TNRC6C: variants seen among roughly 807,000 people sequenced by gnomAD.
TNRC6C encodes trinucleotide repeat-containing gene 6C protein.
A neutral mutation model predicts 153.7 loss-of-function variants in TNRC6C; 20 were observed. The observed-to-expected ratio is 0.13, with a 90% CI of 0.09 to 0.19. TNRC6C has a LOEUF of 0.19. Among genes scored for constraint, TNRC6C ranks in the 10% least tolerant of loss-of-function variants. The pLI is 1.00. For missense variants in TNRC6C, 1,987 were observed against 2,172.0 expected, an observed-to-expected ratio of 0.91 and a Z score of 1.69; for synonymous variants, 811 against 841.4, an observed-to-expected ratio of 0.96 and a Z score of 0.63.
chr17:78,091,600 C>G (rs1251162222), exon 14 of TNRC6C: 1 of 1,552,422 alleles, frequency 6.4e-7, no homozygotes, highest in Admixed American at 1.9e-5. Context: ...AGAACCCTAG[C>G]AAGCATGGTA....
intron 2 of TNRC6C, among the ~76,000 whole-genome samples, chr17:78,047,645 G>A (rs1199358734): frequency 6.6e-6 from 1 of 151,774 alleles, no homozygotes; most frequent in East Asian, 1.9e-4. Context: ...GATTTTTCTT[G>A]TTAAAATAAA....
In TNRC6C at chr17:78,075,784, T is replaced by C. The variant is rs1160531190; in HGVS notation, c.3060+506T>C. 6.6e-6 allele frequency among the ~76,000 whole-genome samples: 1 copy of C among 152,110 alleles called. No individual in the cohort carries two copies. The highest frequency in any genetic ancestry group is 1.5e-5 in the Non-Finnish European group (1 of 68,008). ...AGTCCGGTCACAGCTCAGCCCCCAGTGTTGTCATGTAATGATGTCCCCATG... is the reference window on the plus strand; with the variant it reads ...AGTCCGGTCACAGCTCAGCCCCCAGCGTTGTCATGTAATGATGTCCCCATG... On this transcript the variant is annotated intron_variant, in intron 8 of 19. Transcript: ENST00000301624. The surrounding 1 kb of genome is among the most constrained non-coding windows in gnomAD (Gnocchi z 4.2).
At chr17:77,987,675 T>C (rs566673544) in intron 1 of TNRC6C, among the ~76,000 whole-genome samples, 51 of 152,138 alleles carry the variant, frequency 3.4e-4, no homozygotes, top group Admixed American at 2.9e-3. Flanking sequence ...GTTTTTTTGT[T>C]GTTTGTTTGT....
chr17:77,994,273 G>C (rs923740967), intron 1 of TNRC6C, among the ~76,000 whole-genome samples: 1 of 152,202 alleles, frequency 6.6e-6, no homozygotes, highest in Non-Finnish European at 1.5e-5. Flanking sequence ...TGAAACTCCT[G>C]TTATTCTCAC....
At chr17:78,042,205 A>G (rs1285040078) in intron 2 of TNRC6C, among the ~76,000 whole-genome samples, 1 of 152,234 alleles carries the variant, frequency 6.6e-6, no homozygotes, top group African/African-American at 2.4e-5. Flanking sequence ...TTAACAGCAG[A>G]AGAAAAGAGA....
intron 1 of TNRC6C, among the ~76,000 whole-genome samples, chr17:78,027,155 A>G (rs927281377): frequency 3.3e-5 from 5 of 152,122 alleles, no homozygotes; most frequent in African/African-American, 1.2e-4. Context: ...CTTTTGGTCC[A>G]AAGACTGAGG....
intron 16 of TNRC6C, among the ~76,000 whole-genome samples, chr17:78,096,790 C>T (rs1230313941): frequency 2.0e-5 from 3 of 152,222 alleles, no homozygotes; most frequent in Admixed American, 6.5e-5. Flanking sequence ...ATTCCATCCT[C>T]GCTCTTCTTC....
chr17:78,022,953 A>T (rs1010873537), intron 1 of TNRC6C, among the ~76,000 whole-genome samples: 1 of 152,210 alleles, frequency 6.6e-6, no homozygotes, highest in Non-Finnish European at 1.5e-5. Flanking sequence ...ATAGCATGTA[A>T]ATTACATTAG....
chr17:78,102,972 G>A (rs2073624596), intron 18 of TNRC6C, among the ~76,000 whole-genome samples: 1 of 152,198 alleles, frequency 6.6e-6, no homozygotes, highest in Admixed American at 6.5e-5. Flanking sequence ...CCCCATGTGT[G>A]TATTTTTATA....
At chr17:77,977,865 G>A (rs1219285996) in intron 1 of TNRC6C, among the ~76,000 whole-genome samples, 1 of 144,984 alleles carries the variant, frequency 6.9e-6, no homozygotes, top group African/African-American at 2.5e-5. Context: ...TAATTCATCA[G>A]TATCAGTATT....
intron 9 of TNRC6C, 117 bp downstream of exon 11, chr17:78,077,451 G>T: frequency 7.5e-7 from 1 of 1,334,368 alleles, no homozygotes; most frequent in South Asian, 1.3e-5. Flanking sequence ...AAATGTGACT[G>T]AAAAAGTAGT....
At chr17:77,959,118 G>A, upstream of TNRC6C, 1 of 145,312 alleles carries the variant, frequency 6.9e-6, no homozygotes, top group Non-Finnish European at 1.5e-5. Context: ...CGCCCGCGCC[G>A]GGACCTGAGT....
chr17:78,029,708 C>G (rs1354469950), intron 1 of TNRC6C, among the ~76,000 whole-genome samples: 1 of 152,118 alleles, frequency 6.6e-6, no homozygotes, highest in Non-Finnish European at 1.5e-5. Context: ...ACACATTGCA[C>G]AGCTGTACAA....
intron 1 of TNRC6C, among the ~76,000 whole-genome samples, chr17:77,968,347 G>A (rs185853371): frequency 6.9e-6 from 1 of 145,720 alleles, no homozygotes; most frequent in Admixed American, 6.9e-5. Context: ...GTAGTGGGTT[G>A]TTGTTGTTGT....
intron 1 of TNRC6C, among the ~76,000 whole-genome samples, chr17:77,974,210 A>C (rs1377670401): frequency 6.6e-6 from 1 of 152,212 alleles, no homozygotes; most frequent in South Asian, 2.1e-4. Context: ...TAACTTAATA[A>C]TAAGACAAAG....
At chr17:77,974,496 A>T (rs1347637016) in intron 1 of TNRC6C, among the ~76,000 whole-genome samples, 1 of 151,470 alleles carries the variant, frequency 6.6e-6, no homozygotes. Context: ...CGCCCCAAAA[A>T]AAAAGTAAGA....
intron 3 of TNRC6C, among the ~76,000 whole-genome samples, chr17:78,057,837 G>A (rs2072690072): frequency 1.3e-5 from 2 of 152,222 alleles, no homozygotes; most frequent in South Asian, 4.2e-4. Context: ...GTGTGTGTGT[G>A]TGTGTTGTTT....
intron 1 of TNRC6C, among the ~76,000 whole-genome samples, chr17:78,017,924 A>G (rs908481752): frequency 1.3e-5 from 2 of 152,174 alleles, no homozygotes; most frequent in African/African-American, 2.4e-5. Flanking sequence ...GCTCTGCTTA[A>G]TTGTCACTTT....
chr17:78,000,943 T>G (rs1567908088), upstream of TNRC6C, among the ~76,000 whole-genome samples: 3 of 152,304 alleles, frequency 2.0e-5, no homozygotes, highest in East Asian at 3.9e-4. Context: ...TTTGAATCAT[T>G]ATTTCTCTTT....
Sources: gnomAD v4.1 joint callset for allele counts (sites outside exome capture counted in the v4.1 genomes callset) on GRCh38, gnomAD v4.1.1 for gene constraint, Gnocchi (gnomAD v3.1) non-coding constraint, MANE v1.5 for transcripts, NCBI Gene and HGNC (gene_info 2026-07-23, HGNC 2026-07-21) for gene names.